SPAG17: variants seen among roughly 807,000 people sequenced by gnomAD.
The protein encoded by SPAG17 is sperm associated antigen 17, also known as sperm-associated antigen 17.
SPAG17 carries 169 observed loss-of-function variants against 273.6 expected under a neutral mutation model. The observed-to-expected ratio is 0.62, with a 90% CI of 0.55 to 0.70. The LOEUF (loss-of-function observed/expected upper bound fraction) is 0.70. SPAG17 is among the 30% of genes least tolerant of loss of function. SPAG17 has a pLI of 0.00. For synonymous variants in SPAG17, 825 were observed against 873.2 expected (o/e 0.94, Z 0.97); for missense variants, 2,557 against 2,627.8 (o/e 0.97, Z 0.59).
intron 3 of SPAG17, among the ~76,000 whole-genome samples, chr1:118,117,198 T>C (rs1657139096): frequency 6.6e-6 from 1 of 152,160 alleles, no homozygotes; most frequent in South Asian, 2.1e-4. Flanking sequence ...TTCCCTCTAA[T>C]ACAAAGATAA....
intron 3 of SPAG17, among the ~76,000 whole-genome samples, chr1:118,130,969 C>T (rs997400782): frequency 4.6e-5 from 7 of 152,168 alleles, no homozygotes; most frequent in Non-Finnish European, 8.8e-5. Context: ...GTGATGTCTG[C>T]TTCTCTTTTG....
intron 20 of SPAG17, 40 bp downstream of exon 20, chr1:118,053,962 A>G (rs1375912750): frequency 1.4e-6 from 2 of 1,430,920 alleles, no homozygotes; most frequent in South Asian, 2.4e-5. Flanking sequence ...GTAATACTTT[A>G]GTTTTGCCTG....
At chr1:118,085,800 C>G in intron 13 of SPAG17, 122 bp downstream of exon 13, 1 of 936,198 alleles carries the variant, frequency 1.1e-6, no homozygotes, top group Non-Finnish European at 1.6e-6. Flanking sequence ...AAATACCCAC[C>G]TTAGCCTCTG....
At chr1:118,052,284 G>T (rs1198484728) in intron 20 of SPAG17, among the ~76,000 whole-genome samples, 1 of 151,532 alleles carries the variant, frequency 6.6e-6, no homozygotes, top group African/African-American at 2.4e-5. Flanking sequence ...GACATTAAGT[G>T]AAATAAGCCA....
chr1:118,168,031 A>G (rs1033975295), intron 1 of SPAG17, among the ~76,000 whole-genome samples: 1 of 152,322 alleles, frequency 6.6e-6, no homozygotes, highest in African/African-American at 2.4e-5. Flanking sequence ...AGGCCTCCCC[A>G]GAAGCAGAAG....
At position 118,081,338 on chromosome 1, in the gene SPAG17, A is replaced by G. The variant is rs551156420; in HGVS notation, c.1991-19T>C. The G allele has an allele frequency of 6.2e-7, 1 of 1,612,046 alleles. No individual in the cohort carries two copies. The highest frequency in any genetic ancestry group is 1.3e-5 in the African/African-American group (1 of 75,012). ...TTAATATCTATTCAGTGTAAGGAAC[A>G]TCCATGAGATACAATATGAGAAAAA... On this transcript the variant is annotated intron_variant, in intron 14 of 48. Coordinates refer to ENST00000336338, the MANE Select transcript of SPAG17 (RefSeq NM_206996.4).
intron 24 of SPAG17, 23 bp downstream of exon 24, chr1:118,036,747 C>A: frequency 6.7e-7 from 1 of 1,503,536 alleles, no homozygotes; most frequent in Non-Finnish European, 9.1e-7. Flanking sequence ...GCACACTTAT[C>A]CTTGCTGTTG....
At chr1:118,090,269 C>T (rs1655277023) in intron 10 of SPAG17, among the ~76,000 whole-genome samples, 1 of 152,188 alleles carries the variant, frequency 6.6e-6, no homozygotes, top group South Asian at 2.1e-4. Flanking sequence ...AGAACCTTCA[C>T]AATGACCATG....
intron 20 of SPAG17, among the ~76,000 whole-genome samples, chr1:118,051,710 T>C (rs1460228955): frequency 6.9e-6 from 1 of 145,764 alleles, no homozygotes; most frequent in Non-Finnish European, 1.5e-5. Context: ...AGTTATAATA[T>C]ATAGTATAAT....
At chr1:118,141,087 G>C (rs1658655327) in intron 3 of SPAG17, among the ~76,000 whole-genome samples, 1 of 152,112 alleles carries the variant, frequency 6.6e-6, no homozygotes, top group Non-Finnish European at 1.5e-5. Context: ...CTGATTTAAA[G>C]CAATGAAACT....
chr1:118,000,491 T>C (rs1202873052), intron 32 of SPAG17, among the ~76,000 whole-genome samples: 1 of 152,234 alleles, frequency 6.6e-6, no homozygotes, highest in African/African-American at 2.4e-5. Flanking sequence ...TGTCCTTTTC[T>C]ATTTAGTTGA....
chr1:118,001,063 G>A (rs940883189), intron 32 of SPAG17, among the ~76,000 whole-genome samples: 4 of 152,118 alleles, frequency 2.6e-5, no homozygotes, highest in East Asian at 1.9e-4. Flanking sequence ...GGCCTTTTCC[G>A]CATCTATTGA....
chr1:118,082,719 A>AT lies in SPAG17; in HGVS notation c.1763-1078dup, dbSNP rs143749752. The stretch of plus-strand genomic sequence containing the variant: ...AAGCCAGCTGAGGGGACAAAAAGTG[A>AT]TAATAGTCAGGGAGGGGCTTCTAGT... On this transcript the variant is annotated intron_variant, in intron 13 of 48. Transcript: ENST00000336338. 4.2e-3 allele frequency among the ~76,000 whole-genome samples: 645 copies of AT among 152,312 alleles called. 4 individuals are homozygous for AT. The highest frequency in any genetic ancestry group is 0.015 in the African/African-American group (613 of 41,578).
At chr1:118,098,830 T>G (rs890366798) in intron 6 of SPAG17, among the ~76,000 whole-genome samples, 25 of 152,172 alleles carry the variant, frequency 1.6e-4, no homozygotes, top group Admixed American at 6.6e-5. Flanking sequence ...GGTAGCTATT[T>G]CTAACTTTAT....
At chr1:118,062,331 C>T (rs1652407240) in intron 18 of SPAG17, among the ~76,000 whole-genome samples, 1 of 126,014 alleles carries the variant, frequency 7.9e-6, no homozygotes, top group Non-Finnish European at 1.6e-5. Context: ...CCCGCCACTG[C>T]ACTCCAGCCT....
At chr1:118,123,379 G>GA (rs1370504804) in intron 3 of SPAG17, among the ~76,000 whole-genome samples, 3 of 151,560 alleles carry the variant, frequency 2.0e-5, no homozygotes, top group Admixed American at 1.3e-4. Context: ...GAGAGAAACA[G>GA]AAAAAAAGAG....
At chr1:118,096,964 G>A (rs1655749718) in intron 7 of SPAG17, among the ~76,000 whole-genome samples, 1 of 152,178 alleles carries the variant, frequency 6.6e-6, no homozygotes, top group African/African-American at 2.4e-5. Context: ...GCCAGGCATG[G>A]TGGCTCACGC....
rs573462265 is a variant in SPAG17 at position 118,126,505 on chromosome 1, G to A, written c.316-11064C>T. ...TGGGATTACAGGTGTGAGCCACCGC[G>A]CCCGGCCTCCTTTATCCATTTTTTA... On this transcript the variant is annotated intron_variant, in intron 3 of 48. Coordinates refer to ENST00000336338, the MANE Select transcript of SPAG17 (RefSeq NM_206996.4). 1.4e-4 allele frequency among the ~76,000 whole-genome samples: 22 copies of A among 151,786 alleles called. No homozygotes were observed. The South Asian group carries it at 3.8e-3, about 26-fold the overall frequency.
chr1:117,988,487 T>C (rs996542770), intron 38 of SPAG17, among the ~76,000 whole-genome samples: 5 of 152,220 alleles, frequency 3.3e-5, no homozygotes, highest in African/African-American at 1.2e-4. Flanking sequence ...TTAACTGAAT[T>C]TCCTCATATC....
Sources: allele counts gnomAD v4.1 joint callset (sites outside exome capture counted in the v4.1 genomes callset), GRCh38; gene constraint gnomAD v4.1.1; transcripts MANE v1.5; gene names NCBI Gene and HGNC (gene_info 2026-07-23, HGNC 2026-07-21).